DUSP16: variants seen among roughly 807,000 people sequenced by gnomAD.
The protein encoded by DUSP16 is dual specificity phosphatase 16, also known as dual specificity protein phosphatase 16.
Under a neutral mutation model 58.3 loss-of-function variants are expected in DUSP16, and 21 were observed. The observed-to-expected ratio is 0.36, with a 90% CI of 0.26 to 0.52. DUSP16 has a LOEUF of 0.52. Among genes scored for constraint, DUSP16 ranks in the 20% least tolerant of loss-of-function variants. DUSP16 has a pLI of 0.94. For missense variants in DUSP16, 726 were observed against 819.0 expected (o/e 0.89, Z 1.39); for synonymous variants, 320 against 323.8 (o/e 0.99, Z 0.12).
intron 3 of DUSP16, among the ~76,000 whole-genome samples, chr12:12,503,662 C>T (rs1321701854): frequency 6.6e-6 from 1 of 152,140 alleles, no homozygotes; most frequent in Non-Finnish European, 1.5e-5. Context: ...CACTGGCGTC[C>T]TGCAAGAAGC....
chr12:12,521,061 T>C lies in DUSP16; in HGVS notation c.38A>G (p.Glu13Gly). ...ACTTTCCAGCAGAGCCACCAACCTC[T>C]CAGTAACAATTTGAGTTCCAATCAT... ...HEMIGTQIVT[E>G]RLVALLESGT... The change falls in exon 2 of 7, where the codon GAG becomes GGG. Residue 13 changes from glutamate to glycine, a missense_variant. Physicochemically the swap from Glu to Gly is moderately conservative, Grantham distance 98 (BLOSUM62 -2). Transcript: ENST00000298573. 1 of 1,614,142 alleles carries C rather than the reference T, an allele frequency of 6.2e-7. No individual in the cohort carries two copies. The highest frequency in any genetic ancestry group is 8.5e-7 in the Non-Finnish European group (1 of 1,180,028).
rs561634667 is a variant in DUSP16 at position 12,528,903 on chromosome 12, T to C, written c.-365-7440A>G. Among the ~76,000 whole-genome samples, 98 of 152,160 alleles carry C rather than the reference T, an allele frequency of 6.4e-4. 1 individual carries two copies. In the South Asian group the frequency reaches 0.02, roughly 31 times the overall value. Reference sequence around the variant, plus strand: ...TAAACAGAGTAGTCACAGAAGGCCTTACCTTGAGAACATGAGAGAGGAGAG... The same window carrying C: ...TAAACAGAGTAGTCACAGAAGGCCTCACCTTGAGAACATGAGAGAGGAGAG... On this transcript the variant is annotated intron_variant, in intron 1 of 6. Coordinates refer to ENST00000298573, the MANE Select transcript of DUSP16 (RefSeq NM_030640.3).
In DUSP16 at chr12:12,474,056, T is replaced by C. The variant is rs1356164055; in HGVS notation, c.*2777A>G. Among the ~76,000 whole-genome samples, 1 of 152,342 alleles carries C rather than the reference T, an allele frequency of 6.6e-6. No homozygotes were observed. Among genetic ancestry groups the C allele is most frequent in the East Asian group, 1.9e-4 (1 of 5,188 alleles). On this transcript the variant is annotated 3_prime_UTR_variant, in exon 7 of 7. Coordinates refer to ENST00000298573, the MANE Select transcript of DUSP16 (RefSeq NM_030640.3). ...TTAGCTAATCATCCGGTGTTCCATG[T>C]GAATGACAGAACACGGAATAAACCT...
chr12:12,550,898 A>G (rs1000248401), intron 1 of DUSP16, among the ~76,000 whole-genome samples: 1 of 152,188 alleles, frequency 6.6e-6, no homozygotes, highest in Non-Finnish European at 1.5e-5. Flanking sequence ...AATTAAAAAA[A>G]AAAGCCAGTC....
At position 12,474,617 on chromosome 12, in the gene DUSP16, T is replaced by C. The variant is rs1442773280; in HGVS notation, c.*2216A>G. On this transcript the variant is annotated 3_prime_UTR_variant, in exon 7 of 7. Coordinates refer to ENST00000298573, the MANE Select transcript of DUSP16 (RefSeq NM_030640.3). ...CCAAGAACTGATTATCTGACACTAGTGAACCAGCACTAAAGGCTGTAGGAT... is the reference window on the plus strand; with the variant it reads ...CCAAGAACTGATTATCTGACACTAGCGAACCAGCACTAAAGGCTGTAGGAT... 6.6e-6 allele frequency: 1 copy of C among 152,216 alleles called. No individual in the cohort carries two copies. Among genetic ancestry groups the C allele is most frequent in the Admixed American group, 6.6e-5 (1 of 15,266 alleles). The allele number at this position is 152,216 out of a possible 1,614,324, so 9.4% of individuals were successfully genotyped here.
At chr12:12,522,044 T>C (rs1944245418) in intron 1 of DUSP16, among the ~76,000 whole-genome samples, 1 of 152,170 alleles carries the variant, frequency 6.6e-6, no homozygotes, top group Non-Finnish European at 1.5e-5. Flanking sequence ...GGAGAGAAGA[T>C]GCAGGAAAAC....
intron 1 of DUSP16, among the ~76,000 whole-genome samples, chr12:12,546,132 A>G (rs1003999893): frequency 1.3e-5 from 2 of 152,214 alleles, no homozygotes; most frequent in African/African-American, 4.8e-5. Context: ...TTATTTATAC[A>G]ATATTATAAA....
rs528429295 is a variant in DUSP16, at chr12:12,480,364, A to C, written c.692-18T>G. 90 of 1,610,118 alleles carry C rather than the reference A, an allele frequency of 5.6e-5. 2 individuals are homozygous for C. In the South Asian group the frequency reaches 9.5e-4, roughly 17 times the overall value. The stretch of plus-strand genomic sequence containing the variant: ...TGCTTTCTCTGTATAAGTCAAATGC[A>C]AGAAAGGTCACTACTAACTATTTTG... On this transcript the variant is annotated intron_variant, in intron 5 of 6. Transcript: ENST00000298573.
chr12:12,554,575 ACT>A (rs1446888499), intron 1 of DUSP16: 1 of 152,038 alleles, frequency 6.6e-6, no homozygotes, highest in South Asian at 2.1e-4. Context: ...ATTTATCAAT[ACT>A]CTTTTATTCA....
chr12:12,533,483 CTGGGGCCTCA>C (rs1944421518), intron 1 of DUSP16, among the ~76,000 whole-genome samples: 1 of 152,210 alleles, frequency 6.6e-6, no homozygotes, highest in African/African-American at 2.4e-5. Context: ...AAAAATAACT[CTGGGGCCTCA>C]AAAATGGGAC....
chr12:12,537,146 G>A (rs972835798), intron 1 of DUSP16, among the ~76,000 whole-genome samples: 21 of 151,884 alleles, frequency 1.4e-4, no homozygotes, highest in African/African-American at 5.1e-4. Context: ...TAATTTCTAA[G>A]TTTCCTATTT....
rs78030230 is a variant in DUSP16 at position 12,554,946 on chromosome 12, A to T, written c.-366+7171T>A. Reference sequence around the variant, plus strand: ...GAAATAATACTATGCTTCATATACCATGTACAGTTTACAAAACAAGTCAAG... The same window carrying T: ...GAAATAATACTATGCTTCATATACCTTGTACAGTTTACAAAACAAGTCAAG... On this transcript the variant is annotated intron_variant, in intron 1 of 6. Transcript: ENST00000298573. Among the ~76,000 whole-genome samples the T allele has an allele frequency of 2.9e-3, 442 of 152,344 alleles. 3 individuals are homozygous for T. Among genetic ancestry groups the T allele is most frequent in the African/African-American group, 0.01 (426 of 41,578 alleles).
chr12:12,538,339 C>T (rs1271260053), intron 1 of DUSP16, among the ~76,000 whole-genome samples: 2 of 152,078 alleles, frequency 1.3e-5, no homozygotes, highest in East Asian at 1.9e-4. Context: ...AGTCATGTCA[C>T]GTCATTAAAG....
At chr12:12,492,641 A>G (rs1943777856) in intron 4 of DUSP16, among the ~76,000 whole-genome samples, 1 of 152,000 alleles carries the variant, frequency 6.6e-6, no homozygotes, top group South Asian at 2.1e-4. Context: ...CCATTACCCC[A>G]TATCTTTGAA....
At chr12:12,543,442 A>C (rs976455874) in intron 1 of DUSP16, among the ~76,000 whole-genome samples, 2 of 152,318 alleles carry the variant, frequency 1.3e-5, no homozygotes, top group East Asian at 1.9e-4. Flanking sequence ...TGTAAATTTA[A>C]AATTATTTTC....
chr12:12,497,721 C>G (rs1409206661), intron 4 of DUSP16, among the ~76,000 whole-genome samples: 1 of 151,682 alleles, frequency 6.6e-6, no homozygotes, highest in Non-Finnish European at 1.5e-5. Context: ...CCTGTAATCC[C>G]AGCACTTTGG....
rs1395009776 is a variant in DUSP16 at position 12,473,747 on chromosome 12, C to CA, written c.*3085dup. Among the ~76,000 whole-genome samples the CA allele has an allele frequency of 6.6e-6, 1 of 152,190 alleles. No individual in the cohort carries two copies. Among genetic ancestry groups the CA allele is most frequent in the Admixed American group, 6.5e-5 (1 of 15,286 alleles). ...CTAAGTTTCTAGTCTCATAAGTCAT[C>CA]AAATCTAGTGTCATGAGCAGAGAGG... On this transcript the variant is annotated 3_prime_UTR_variant, in exon 7 of 7. Coordinates refer to ENST00000298573, the MANE Select transcript of DUSP16 (RefSeq NM_030640.3).
At chr12:12,535,562 C>T (rs1944452096) in intron 1 of DUSP16, among the ~76,000 whole-genome samples, 1 of 152,176 alleles carries the variant, frequency 6.6e-6, no homozygotes, top group South Asian at 2.1e-4. Flanking sequence ...ATCAAAGTCT[C>T]AATTTCCCAC....
intron 4 of DUSP16, among the ~76,000 whole-genome samples, chr12:12,498,230 C>T (rs1943858817): frequency 6.6e-6 from 1 of 151,984 alleles, no homozygotes. Context: ...AGTTCTAAAA[C>T]TCAACTGGAT....
Sources: allele counts gnomAD v4.1 joint callset (sites outside exome capture counted in the v4.1 genomes callset), GRCh38; gene constraint gnomAD v4.1.1; transcripts MANE v1.5; gene names NCBI Gene and HGNC (gene_info 2026-07-23, HGNC 2026-07-21).